PUM1: variants seen among roughly 807,000 people sequenced by gnomAD.
PUM1 encodes the protein pumilio RNA binding family member 1, also known as pumilio homolog 1.
A neutral mutation model predicts 131.8 loss-of-function variants in PUM1; 13 were observed. The ratio of observed to expected loss-of-function variants is 0.10; its 90% CI spans 0.06 to 0.16. The LOEUF (loss-of-function observed/expected upper bound fraction) is 0.16. PUM1 is among the 10% of genes least tolerant of loss of function. The pLI is 1.00. For missense variants in PUM1, 961 were observed against 1,512.4 expected (o/e 0.64, Z 6.05); for synonymous variants, 509 against 556.5 (o/e 0.91, Z 1.20).
chr1:31,005,791 AAGAGAGAGAGAGAGAG>A (rs57530886), intron 5 of PUM1, 46 bp downstream of exon 5: 71 of 1,314,058 alleles, frequency 5.4e-5, no homozygotes, highest in South Asian at 3.4e-4. Context: ...AGGGGAAAAA[AAGAGAGAGAGAGAGAG>A]AGAGAGAGAG....
At chr1:30,989,571 C>CAAAAAAAA (rs1174565063) in intron 7 of PUM1, among the ~76,000 whole-genome samples, 1,000 of 27,700 alleles carry the variant, frequency 0.036, 98 homozygotes, top group Middle Eastern at 0.059. Context: ...GACTCCGTCT[C>CAAAAAAAA]AAAAAAAAAA....
rs1639471587 is a variant in PUM1, at chr1:30,942,194, TATATATATATATATATATATA to T, written c.2995-92_2995-72del. 4.6e-4 allele frequency: 76 copies of T among 163,688 alleles called. 13 individuals carry two copies. Among genetic ancestry groups the T allele is most frequent in the Middle Eastern group, 3.5e-3 (2 of 572 alleles). The allele number at this position is 163,688 out of a possible 1,614,324, so 10.1% of individuals were successfully genotyped here. On this transcript the variant is annotated intron_variant, in intron 18 of 21. Coordinates refer to ENST00000426105, the MANE Select transcript of PUM1 (RefSeq NM_001020658.2). ...ACCTTCAATGCTTCAGTATTGTTTA[TATATATATATATATATATATA>T]TATATATATATATATATATATGTAT...
chr1:30,991,330 T>A (rs1013105744), intron 7 of PUM1, among the ~76,000 whole-genome samples: 1 of 152,210 alleles, frequency 6.6e-6, no homozygotes, highest in South Asian at 2.1e-4. Context: ...CTTATATGAA[T>A]ATGCACATTC....
chr1:31,003,297 T>C (rs904036693), intron 5 of PUM1, among the ~76,000 whole-genome samples: 22 of 152,196 alleles, frequency 1.4e-4, no homozygotes. Context: ...GACTAGACTT[T>C]AAAAGAAAAG....
chr1:31,047,942 T>TA (rs1644008985), intron 2 of PUM1, among the ~76,000 whole-genome samples: 2 of 146,314 alleles, frequency 1.4e-5, no homozygotes, highest in South Asian at 2.2e-4. Flanking sequence ...GAGACTCCGC[T>TA]AAAAAACTTT....
At chr1:31,062,762 G>A (rs1205334835) in intron 1 of PUM1, among the ~76,000 whole-genome samples, 1 of 152,104 alleles carries the variant, frequency 6.6e-6, no homozygotes, top group Non-Finnish European at 1.5e-5. Flanking sequence ...AACCCCCACT[G>A]TGATGCTTCA....
intron 2 of PUM1, among the ~76,000 whole-genome samples, chr1:31,035,809 T>C (rs557945331): frequency 1.3e-5 from 2 of 151,954 alleles, no homozygotes; most frequent in South Asian, 2.1e-4. Context: ...AAACAAAATA[T>C]AGATAAATCA....
chr1:30,985,202 TAA>T (rs1641502226), intron 7 of PUM1, among the ~76,000 whole-genome samples: 1 of 152,218 alleles, frequency 6.6e-6, no homozygotes, highest in African/African-American at 2.4e-5. Context: ...TAAAGATTTA[TAA>T]GAGTCCTTTA....
At chr1:30,937,483 C>T (rs990630569) in intron 20 of PUM1, among the ~76,000 whole-genome samples, 9 of 151,994 alleles carry the variant, frequency 5.9e-5, no homozygotes, top group Non-Finnish European at 1.0e-4. Context: ...CCAGCCTGAG[C>T]GACAGAGCAA....
chr1:31,015,380 T>G (rs1343027591), intron 3 of PUM1, among the ~76,000 whole-genome samples: 4 of 152,072 alleles, frequency 2.6e-5, no homozygotes, highest in Non-Finnish European at 4.4e-5. Context: ...CTCGCTCTGT[T>G]GCCCAGGCTG....
chr1:30,950,279 G>A lies in PUM1; in HGVS notation c.2722-18C>T. ...CTGCCAAACTAGACATAATGTGTGG[G>A]TAAACACCATTACTTAAGTAGAAGG... On this transcript the variant is annotated intron_variant, in intron 16 of 21. Transcript: ENST00000426105. 6.2e-7 allele frequency: 1 copy of A among 1,606,024 alleles called. No individual in the cohort carries two copies. Among genetic ancestry groups the A allele is most frequent in the Non-Finnish European group, 8.5e-7 (1 of 1,176,742 alleles).
At chr1:30,964,608 C>T (rs2124437672) in intron 14 of PUM1, 66 bp downstream of exon 14, 1 of 1,405,058 alleles carries the variant, frequency 7.1e-7, no homozygotes, top group Non-Finnish European at 1.0e-6. Flanking sequence ...ATGCAAAGTT[C>T]TTGTAATGTC....
At chr1:30,996,216 G>T (rs1488458422) in intron 5 of PUM1, among the ~76,000 whole-genome samples, 1 of 152,146 alleles carries the variant, frequency 6.6e-6, no homozygotes. Context: ...TTTTCCCCAC[G>T]ACTGACTCCT....
chr1:30,967,303 C>A lies in PUM1; in HGVS notation c.1653G>T (p.Pro551=). 2 of 1,613,172 alleles carry A rather than the reference C, an allele frequency of 1.2e-6. No individual in the cohort carries two copies. Among genetic ancestry groups the A allele is most frequent in the Non-Finnish European group, 1.7e-6 (2 of 1,179,246 alleles). The change falls in exon 12 of 22, where the codon CCG becomes CCT. Residue 551 remains proline (P), a synonymous_variant. Coordinates refer to ENST00000426105, the MANE Select transcript of PUM1 (RefSeq NM_001020658.2). ...QGLAAGMPGY[P]VLAPAAYYDQ... ...CATAGTAAGCAGCAGGAGCCAACAC[C>A]GGATAACCTAGGAATATCAAGCCAA...
At chr1:30,963,745 G>A (rs1376760573) in intron 14 of PUM1, among the ~76,000 whole-genome samples, 2 of 152,182 alleles carry the variant, frequency 1.3e-5, no homozygotes, top group African/African-American at 4.8e-5. Context: ...CACATGTGCT[G>A]ATTTGCCCAG....
intron 3 of PUM1, among the ~76,000 whole-genome samples, chr1:31,020,287 T>C (rs1642974986): frequency 6.6e-6 from 1 of 152,186 alleles, no homozygotes; most frequent in African/African-American, 2.4e-5. Flanking sequence ...ATGTTCCTTA[T>C]CCAATTCACT....
Position 30,978,486 on chromosome 1 carries a change from T to C in PUM1, c.1354+1576A>G, listed in dbSNP as rs147513848. On this transcript the variant is annotated intron_variant, in intron 9 of 21. Coordinates refer to ENST00000426105, the MANE Select transcript of PUM1 (RefSeq NM_001020658.2). ...CCAGATGACCCTATGTTAACTATCTTCCCATCATAACCATGCCAAAATGTA... is the reference window on the plus strand; with the variant it reads ...CCAGATGACCCTATGTTAACTATCTCCCCATCATAACCATGCCAAAATGTA... Among the ~76,000 whole-genome samples the C allele has an allele frequency of 4.1e-4, 62 of 152,346 alleles. 1 individual carries two copies. The East Asian group carries it at 0.012, about 28-fold the overall frequency.
chr1:30,948,620 G>A lies in PUM1; in HGVS notation c.2856+1507C>T, dbSNP rs569078909. On this transcript the variant is annotated intron_variant, in intron 17 of 21. Coordinates refer to ENST00000426105, the MANE Select transcript of PUM1 (RefSeq NM_001020658.2). ...ACACACATTAACCAGGGGAAGTGGC[G>A]TATGCCTGTAGTTCCAGCTACTCAG... 5.9e-5 allele frequency among the ~76,000 whole-genome samples: 9 copies of A among 152,246 alleles called. No homozygotes were observed. The East Asian group carries it at 7.7e-4, about 13-fold the overall frequency.
chr1:30,955,979 T>C (rs762108868), intron 14 of PUM1, among the ~76,000 whole-genome samples: 3 of 152,248 alleles, frequency 2.0e-5, no homozygotes, highest in Non-Finnish European at 4.4e-5. Flanking sequence ...CTCCCATTTA[T>C]GTAACAGAAA....
Sources: gnomAD v4.1 joint callset for allele counts (sites outside exome capture counted in the v4.1 genomes callset) on GRCh38, gnomAD v4.1.1 for gene constraint, MANE v1.5 for transcripts, NCBI Gene and HGNC (gene_info 2026-07-23, HGNC 2026-07-21) for gene names.